The following COL22A1 variants were observed in gnomAD, a reference collection of about 807,000 sequenced individuals.
COL22A1 encodes the protein collagen type XXII alpha 1 chain, also known as collagen alpha-1(XXII) chain.
A neutral mutation model predicts 248.9 loss-of-function variants in COL22A1; 221 were observed. The observed-to-expected ratio is 0.89, with a 90% CI of 0.80 to 0.99. The LOEUF (loss-of-function observed/expected upper bound fraction) is 0.99. Among genes scored for constraint, COL22A1 ranks in the 50% least tolerant of loss-of-function variants. COL22A1 has a pLI of 0.00. For synonymous variants in COL22A1, 891 were observed against 793.4 expected (o/e 1.12, Z -2.07); for missense variants, 2,240 against 2,179.0 (o/e 1.03, Z -0.56).
At chr8:138,820,170 T>A (rs1323041002) in intron 7 of COL22A1, among the ~76,000 whole-genome samples, 4 of 152,222 alleles carry the variant, frequency 2.6e-5, no homozygotes, top group Non-Finnish European at 2.9e-5. Flanking sequence ...ATTATTTACA[T>A]AAACTTCCAA....
chr8:138,664,206 C>CGCGCGT (rs1554738572), intron 41 of COL22A1, among the ~76,000 whole-genome samples: 1 of 83,610 alleles, frequency 1.2e-5, no homozygotes, highest in Non-Finnish European at 2.7e-5. Context: ...CGCGCGCGCG[C>CGCGCGT]GCGCACACAC....
chr8:138,751,439 G>GA lies in COL22A1; in HGVS notation c.2085+18dup, dbSNP rs766125122. ...TGTGGGTGAGCTGAGGAATCACAAA[G>GA]AAAAGAGAGTTTACTTACTCGGAGA... is the stretch of plus-strand genomic sequence containing the variant. On this transcript the variant is annotated intron_variant, in intron 22 of 64. Transcript: ENST00000303045. 1 of 1,597,264 alleles carries GA rather than the reference G, an allele frequency of 6.3e-7. No individual in the cohort carries two copies. Among genetic ancestry groups the GA allele is most frequent in the Admixed American group, 1.7e-5 (1 of 58,670 alleles).
intron 23 of COL22A1, among the ~76,000 whole-genome samples, chr8:138,737,211 C>T (rs1304616672): frequency 6.6e-6 from 1 of 152,214 alleles, no homozygotes; most frequent in Non-Finnish European, 1.5e-5. Flanking sequence ...CTGATTTCCC[C>T]ACCACCTCGT....
intron 3 of COL22A1, among the ~76,000 whole-genome samples, chr8:138,873,677 G>C (rs909126527): frequency 1.2e-4 from 18 of 152,210 alleles, no homozygotes; most frequent in African/African-American, 3.9e-4. Context: ...CAAAGAGGAT[G>C]CCAGATTCAC....
At chr8:138,781,472 T>G (rs766734587) in intron 12 of COL22A1, among the ~76,000 whole-genome samples, 20 of 152,168 alleles carry the variant, frequency 1.3e-4, no homozygotes, top group Non-Finnish European at 2.5e-4. Flanking sequence ...CAACCAAAAA[T>G]GTCTTCAGAT....
chr8:138,610,734 C>T (rs371093878), intron 56 of COL22A1, among the ~76,000 whole-genome samples: 15 of 152,142 alleles, frequency 9.9e-5, no homozygotes, highest in Admixed American at 9.8e-4. Flanking sequence ...CGTCTTCCAC[C>T]TCACACACCT....
At chr8:138,704,952 G>A (rs527936497) in intron 30 of COL22A1, among the ~76,000 whole-genome samples, 2 of 152,318 alleles carry the variant, frequency 1.3e-5, no homozygotes, top group Non-Finnish European at 1.5e-5. Context: ...TGATGGAGCT[G>A]AAAACCATGG....
intron 22 of COL22A1, among the ~76,000 whole-genome samples, chr8:138,745,469 T>G (rs1231145251): frequency 1.3e-5 from 2 of 152,240 alleles, no homozygotes; most frequent in African/African-American, 2.4e-5. Context: ...GCGTATTTTA[T>G]AGGCATATTC....
Position 138,589,398 on chromosome 8 carries a change from C to T in COL22A1, c.4736G>A (p.Gly1579Glu). 1 of 1,592,490 alleles carries T rather than the reference C, an allele frequency of 6.3e-7. No individual in the cohort carries two copies. The highest frequency in any genetic ancestry group is 1.1e-5 in the South Asian group (1 of 89,024). Residue 1579 changes from glycine (G) to glutamate (E), a missense_variant, in exon 65 of 65, where the codon GGG becomes GAG. Physicochemically the swap from Gly to Glu is moderately conservative, Grantham distance 98 (BLOSUM62 -2). Coordinates refer to ENST00000303045, the MANE Select transcript of COL22A1 (RefSeq NM_152888.3). Reference sequence around the variant, plus strand: ...TGTCTCCCCTTGAGGGCCAGGGATCCCAGGAAGTCCATCTTTAGCATAGCC... The same window carrying T: ...TGTCTCCCCTTGAGGGCCAGGGATCTCAGGAAGTCCATCTTTAGCATAGCC... The part of the protein sequence containing the change: ...EPGYAKDGLP[G>E]IPGPQGETGP...
chr8:138,773,323 T>C lies in COL22A1; in HGVS notation c.1803+2643A>G, dbSNP rs139731496. On this transcript the variant is annotated intron_variant, in intron 16 of 64. Transcript: ENST00000303045. Reference sequence around the variant, plus strand: ...TCTGGCTGCCCCCCGAGGGACCACATTGGTACTGGATTTGGTTCTGATGAC... The same window carrying C: ...TCTGGCTGCCCCCCGAGGGACCACACTGGTACTGGATTTGGTTCTGATGAC... 2.7e-3 allele frequency among the ~76,000 whole-genome samples: 415 copies of C among 152,272 alleles called. 4 individuals carry two copies. The highest frequency in any genetic ancestry group is 8.6e-3 in the African/African-American group (356 of 41,570).
intron 1 of COL22A1, among the ~76,000 whole-genome samples, chr8:138,902,777 C>CACACACAT (rs1814710892): frequency 6.6e-6 from 1 of 150,836 alleles, no homozygotes; most frequent in Admixed American, 6.6e-5. Context: ...CACACACACA[C>CACACACAT]ACACACACTA....
At chr8:138,593,402 C>A (rs149768273) in intron 63 of COL22A1, among the ~76,000 whole-genome samples, 40 of 151,716 alleles carry the variant, frequency 2.6e-4, no homozygotes, top group African/African-American at 8.0e-4. Flanking sequence ...TAAAAAAAAA[C>A]CTTTTGTTAA....
chr8:138,620,810 A>C (rs1446855670), intron 52 of COL22A1, among the ~76,000 whole-genome samples: 1 of 152,232 alleles, frequency 6.6e-6, no homozygotes, highest in East Asian at 1.9e-4. Flanking sequence ...CAGAGTCTGC[A>C]CTTCATCCTA....
At chr8:138,812,114 C>T (rs1818288810) in intron 8 of COL22A1, among the ~76,000 whole-genome samples, 193 bp from the exon 9 acceptor site, 1 of 152,232 alleles carries the variant, frequency 6.6e-6, no homozygotes, top group Non-Finnish European at 1.5e-5. Flanking sequence ...GCTGGCTCAG[C>T]AATCTGGGTG....
At chr8:138,799,761 T>G (rs892718766) in intron 11 of COL22A1, among the ~76,000 whole-genome samples, 2 of 152,218 alleles carry the variant, frequency 1.3e-5, no homozygotes, top group African/African-American at 2.4e-5. Flanking sequence ...TGGCATTCAT[T>G]GCTCTACAGT....
chr8:138,664,196 C>G (rs866693419), intron 41 of COL22A1, among the ~76,000 whole-genome samples: 42 of 70,232 alleles, frequency 6.0e-4, no homozygotes, highest in African/African-American at 1.9e-3. Context: ...ACAAGGGGTG[C>G]GCGCGCGCGC....
chr8:138,882,783 CCA>C lies in COL22A1; in HGVS notation c.91+297_91+298del, dbSNP rs753266911. ...TCACTCCCTCGCACACTTCAAACTC[CCA>C]CACACAGTCCCCCACATTCCTTCAC... is the stretch of plus-strand genomic sequence containing the variant. On this transcript the variant is annotated intron_variant, in intron 2 of 64. Coordinates refer to ENST00000303045, the MANE Select transcript of COL22A1 (RefSeq NM_152888.3). 4.0e-5 allele frequency among the ~76,000 whole-genome samples: 6 copies of C among 150,822 alleles called. No homozygotes were observed. In the South Asian group the frequency reaches 6.4e-4, roughly 16 times the overall value.
chr8:138,698,090 G>C (rs1827657153), intron 32 of COL22A1, among the ~76,000 whole-genome samples: 1 of 152,210 alleles, frequency 6.6e-6, no homozygotes. Flanking sequence ...CCTTTAAGGA[G>C]AGGCTGGACA....
chr8:138,870,405 C>T (rs1823239156), intron 3 of COL22A1, among the ~76,000 whole-genome samples: 1 of 150,178 alleles, frequency 6.7e-6, no homozygotes, highest in Non-Finnish European at 1.5e-5. Context: ...TGCATGGTTT[C>T]TGTTTCTGTG....
Sources: gnomAD v4.1 joint callset for allele counts (sites outside exome capture counted in the v4.1 genomes callset) on GRCh38, gnomAD v4.1.1 for gene constraint, MANE v1.5 for transcripts, NCBI Gene and HGNC (gene_info 2026-07-23, HGNC 2026-07-21) for gene names.